Variants in RALYL observed in about 807,000 individuals in gnomAD.
RALYL encodes the protein RNA-binding Raly-like protein.
A neutral mutation model predicts 35.1 loss-of-function variants in RALYL; 29 were observed. The observed-to-expected ratio is 0.83, with a 90% CI of 0.61 to 1.13. The LOEUF (loss-of-function observed/expected upper bound fraction) is 1.13. Ranked by LOEUF, RALYL falls within the 50% of genes most tolerant of loss-of-function variation. The probability of loss-of-function intolerance (pLI) is 0.00; values close to 1 mark genes in which losing one functional copy is unlikely to be tolerated. For synonymous variants in RALYL, 120 were observed against 127.6 expected, an observed-to-expected ratio of 0.94 and a Z score of 0.40; for missense variants, 359 against 360.4, an observed-to-expected ratio of 1.00 and a Z score of 0.03.
chr8:84,379,872 A>T (rs974073896), intron 1 of RALYL, among the ~76,000 whole-genome samples: 5 of 150,860 alleles, frequency 3.3e-5, no homozygotes, highest in African/African-American at 1.2e-4. Context: ...AAAAAAAAAA[A>T]AGAAAAAAAC....
chr8:84,574,214 T>C (rs1469032011), intron 2 of RALYL, among the ~76,000 whole-genome samples: 2 of 152,034 alleles, frequency 1.3e-5, no homozygotes, highest in Non-Finnish European at 2.9e-5. Flanking sequence ...AAAATATGAC[T>C]CTTCTAATGT....
chr8:84,670,425 G>C (rs1196987681), intron 2 of RALYL, among the ~76,000 whole-genome samples: 1 of 152,142 alleles, frequency 6.6e-6, no homozygotes, highest in Non-Finnish European at 1.5e-5. Context: ...ACAAAGTGAT[G>C]ATTATAAAAA....
chr8:84,597,330 G>A (rs369829449), intron 2 of RALYL, among the ~76,000 whole-genome samples: 3 of 152,012 alleles, frequency 2.0e-5, no homozygotes, highest in African/African-American at 4.8e-5. Context: ...CTAGTCATTC[G>A]CTCCAGAAAA....
intron 3 of RALYL, among the ~76,000 whole-genome samples, chr8:84,782,048 C>CACAT (rs1554584926): frequency 1.4e-4 from 21 of 152,164 alleles, no homozygotes; most frequent in African/African-American, 4.6e-4. Flanking sequence ...CACACACACA[C>CACAT]ACACACACAC....
intron 2 of RALYL, among the ~76,000 whole-genome samples, chr8:84,596,568 T>C (rs1449056025): frequency 6.6e-6 from 1 of 152,148 alleles, no homozygotes; most frequent in Non-Finnish European, 1.5e-5. Context: ...CTTAGCTGTT[T>C]GATTGCTTCT....
At chr8:84,557,398 G>A (rs1272726416) in intron 2 of RALYL, among the ~76,000 whole-genome samples, 1 of 152,188 alleles carries the variant, frequency 6.6e-6, no homozygotes, top group African/African-American at 2.4e-5. Flanking sequence ...CAGTTACTGG[G>A]TGGAAAGGAA....
intron 2 of RALYL, among the ~76,000 whole-genome samples, chr8:84,758,002 G>T (rs1320630985): frequency 6.6e-6 from 1 of 152,126 alleles, no homozygotes; most frequent in Non-Finnish European, 1.5e-5. Context: ...AATTGCCTTT[G>T]TTGATTTCCA....
chr8:84,333,000 G>A (rs1456716919), intron 1 of RALYL, among the ~76,000 whole-genome samples: 3 of 152,290 alleles, frequency 2.0e-5, no homozygotes, highest in South Asian at 2.1e-4. Context: ...CTACGCTAAC[G>A]AAGAGAATTT....
intron 1 of RALYL, among the ~76,000 whole-genome samples, chr8:84,221,177 A>G (rs1822112933): frequency 6.6e-6 from 1 of 152,066 alleles, no homozygotes; most frequent in Non-Finnish European, 1.5e-5. Flanking sequence ...TACTTTGCAT[A>G]TTACAGTCCG....
intron 1 of RALYL, among the ~76,000 whole-genome samples, chr8:84,301,337 T>G (rs993116542): frequency 2.0e-5 from 3 of 152,058 alleles, no homozygotes; most frequent in Non-Finnish European, 2.9e-5. Flanking sequence ...ATGTTGACCT[T>G]GGAGAATATG....
chr8:84,534,879 G>A (rs905520069), intron 2 of RALYL, among the ~76,000 whole-genome samples: 7 of 152,104 alleles, frequency 4.6e-5, no homozygotes, highest in African/African-American at 1.7e-4. Context: ...TAACTGTTTC[G>A]TAGGCCTGAT....
intron 3 of RALYL, among the ~76,000 whole-genome samples, chr8:84,780,598 G>A (rs939780499): frequency 6.6e-6 from 1 of 152,160 alleles, no homozygotes; most frequent in Non-Finnish European, 1.5e-5. Flanking sequence ...ATGTGTGCTT[G>A]TTCAGTTTGC....
At chr8:84,703,470 T>C (rs1318729887) in intron 2 of RALYL, among the ~76,000 whole-genome samples, 3 of 152,118 alleles carry the variant, frequency 2.0e-5, no homozygotes. Flanking sequence ...TTAAGGTGTA[T>C]AGGTGTGATG....
chr8:84,626,217 C>A (rs1034459627), intron 2 of RALYL, among the ~76,000 whole-genome samples: 1 of 152,120 alleles, frequency 6.6e-6, no homozygotes, highest in South Asian at 2.1e-4. Context: ...GCGGAAAATA[C>A]GTTTAAGTTG....
chr8:84,412,001 C>A (rs1034624772), intron 1 of RALYL, among the ~76,000 whole-genome samples: 2 of 151,962 alleles, frequency 1.3e-5, no homozygotes, highest in African/African-American at 2.4e-5. Flanking sequence ...TGATAATATA[C>A]ACAAAATGCG....
intron 1 of RALYL, among the ~76,000 whole-genome samples, chr8:84,491,692 T>C (rs760730517): frequency 2.0e-5 from 3 of 152,034 alleles, no homozygotes; most frequent in Admixed American, 6.6e-5. Context: ...CTTTTTGCTA[T>C]CTAAGAATTT....
At chr8:84,327,654 A>C (rs1425173871) in intron 1 of RALYL, among the ~76,000 whole-genome samples, 1 of 152,002 alleles carries the variant, frequency 6.6e-6, no homozygotes, top group Non-Finnish European at 1.5e-5. Context: ...ACAAAGCCCA[A>C]AATCCTTTCT....
intron 1 of RALYL, among the ~76,000 whole-genome samples, chr8:84,211,617 G>A (rs1303326600): frequency 1.3e-5 from 2 of 152,066 alleles, no homozygotes; most frequent in African/African-American, 4.8e-5. Flanking sequence ...TGGCTGTAAG[G>A]TTAATCCACT....
intron 8 of RALYL, among the ~76,000 whole-genome samples, chr8:84,905,521 C>T (rs1260092459): frequency 2.0e-5 from 3 of 152,060 alleles, no homozygotes; most frequent in Non-Finnish European, 4.4e-5. Context: ...AGAGTGGCTG[C>T]ATTATATTGC....
Sources: allele counts gnomAD v4.1 joint callset (sites outside exome capture counted in the v4.1 genomes callset), GRCh38; gene constraint gnomAD v4.1.1; transcripts MANE v1.5; gene names NCBI Gene and HGNC (gene_info 2026-07-23, HGNC 2026-07-21).